The following GDAP1 variants were observed in gnomAD, a reference collection of about 807,000 sequenced individuals.
GDAP1 encodes ganglioside-induced differentiation-associated protein 1.
In GDAP1, 34 loss-of-function variants were observed where a neutral mutation model predicts 40.1. The observed-to-expected ratio is 0.85, with a 90% CI of 0.64 to 1.13. The LOEUF is 1.13. Ranked by LOEUF, GDAP1 falls within the 50% of genes most tolerant of loss-of-function variation. The pLI is 0.00. For missense variants in GDAP1, 374 were observed against 433.7 expected (o/e 0.86, Z 1.22); for synonymous variants, 170 against 157.4 (o/e 1.08, Z -0.60).
At chr8:74,357,540 A>C (rs997050234) in intron 2 of GDAP1, among the ~76,000 whole-genome samples, 4 of 152,130 alleles carry the variant, frequency 2.6e-5, no homozygotes, top group African/African-American at 9.7e-5. Flanking sequence ...TCTGCTGTTT[A>C]TCAAATCTTT....
intron 2 of GDAP1, among the ~76,000 whole-genome samples, chr8:74,471,357 G>A: frequency 6.6e-6 from 1 of 151,246 alleles, no homozygotes; most frequent in Non-Finnish European, 1.5e-5. Context: ...TTTTTTCCCT[G>A]ATTAGTTTTG....
chr8:74,393,291 A>G (rs1008833244), intron 2 of GDAP1, among the ~76,000 whole-genome samples: 4 of 152,158 alleles, frequency 2.6e-5, no homozygotes, highest in African/African-American at 9.7e-5. Context: ...AGAAAAAACT[A>G]TTTTTCAGTT....
chr8:74,396,611 T>C (rs563648297), intron 2 of GDAP1, among the ~76,000 whole-genome samples: 2 of 151,704 alleles, frequency 1.3e-5, no homozygotes, highest in African/African-American at 4.8e-5. Context: ...TGGTGTTTGG[T>C]TTTTTGTCCT....
intron 2 of GDAP1, among the ~76,000 whole-genome samples, chr8:74,415,857 G>C (rs1468116061): frequency 6.7e-6 from 1 of 149,634 alleles, no homozygotes; most frequent in African/African-American, 2.6e-5. Flanking sequence ...GGCCAAGGGG[G>C]ACTGTGAGAG....
intron 2 of GDAP1, among the ~76,000 whole-genome samples, chr8:74,401,596 G>C (rs1810341811): frequency 7.0e-6 from 1 of 143,788 alleles, no homozygotes; most frequent in Non-Finnish European, 1.5e-5. Flanking sequence ...TTGCTGGTGA[G>C]GAAATGCGTT....
intron 2 of GDAP1, among the ~76,000 whole-genome samples, chr8:74,429,676 G>A (rs901098882): frequency 3.3e-5 from 5 of 151,970 alleles, no homozygotes; most frequent in Non-Finnish European, 7.4e-5. Flanking sequence ...CACCCATAAG[G>A]CCTCGTTTAA....
At chr8:74,466,308 G>A (rs759667504) in intron 2 of GDAP1, among the ~76,000 whole-genome samples, 18 of 152,160 alleles carry the variant, frequency 1.2e-4, no homozygotes, top group Non-Finnish European at 2.4e-4. Flanking sequence ...AACACAGTTT[G>A]GGAACCATAG....
intron 2 of GDAP1, among the ~76,000 whole-genome samples, chr8:74,392,456 A>C (rs1032535660): frequency 1.3e-5 from 2 of 152,134 alleles, no homozygotes; most frequent in South Asian, 4.1e-4. Context: ...GTTAAGGCCT[A>C]TGCTGATCTC....
At chr8:74,441,607 T>G (rs963250274) in intron 2 of GDAP1, among the ~76,000 whole-genome samples, 1 of 152,202 alleles carries the variant, frequency 6.6e-6, no homozygotes, top group South Asian at 2.1e-4. Flanking sequence ...TAAGAGTTCT[T>G]ACTCTAAATG....
chr8:74,411,146 G>GT (rs1805703774), intron 2 of GDAP1, among the ~76,000 whole-genome samples: 1 of 150,006 alleles, frequency 6.7e-6, no homozygotes, highest in African/African-American at 2.5e-5. Flanking sequence ...TGCTATGTTT[G>GT]TAAGTTTCCT....
At chr8:74,422,493 CTCCTTCCTTCCT>C (rs67444628) in intron 2 of GDAP1, among the ~76,000 whole-genome samples, 141 of 104,822 alleles carry the variant, frequency 1.3e-3, no homozygotes, top group East Asian at 2.7e-3. Flanking sequence ...TCCCTCCTTT[CTCCTTCCTTCCT>C]TCCTTCCTTC....
chr8:74,424,401 TTC>T (rs1464600845), intron 2 of GDAP1, among the ~76,000 whole-genome samples: 1 of 152,122 alleles, frequency 6.6e-6, no homozygotes, highest in Non-Finnish European at 1.5e-5. Flanking sequence ...TCATGATCCA[TTC>T]TGTCTTCATT....
intron 2 of GDAP1, among the ~76,000 whole-genome samples, chr8:74,429,219 G>A: frequency 6.6e-6 from 1 of 151,906 alleles, no homozygotes; most frequent in East Asian, 1.9e-4. Context: ...TAATCCTTTG[G>A]GTATATACCC....
chr8:74,391,183 T>A (rs185581603), intron 2 of GDAP1, among the ~76,000 whole-genome samples: 11 of 149,812 alleles, frequency 7.3e-5, no homozygotes, highest in African/African-American at 2.5e-4. Flanking sequence ...TACAGGGTAG[T>A]GAACGGTTCG....
At chr8:74,425,002 T>G (rs1805929356) in intron 2 of GDAP1, among the ~76,000 whole-genome samples, 1 of 152,218 alleles carries the variant, frequency 6.6e-6, no homozygotes, top group South Asian at 2.1e-4. Flanking sequence ...TCTACTGACT[T>G]CTTGGATCCT....
intron 2 of GDAP1, among the ~76,000 whole-genome samples, chr8:74,420,478 C>A (rs1007288847): frequency 2.6e-5 from 4 of 151,998 alleles, no homozygotes; most frequent in African/African-American, 9.7e-5. Flanking sequence ...AGAATAAAGC[C>A]AAGTAAAATG....
In GDAP1 at chr8:74,366,092, T is replaced by G. The variant is rs1408765801; in HGVS notation, c.*1725T>G. 1 of 439,626 alleles carries G rather than the reference T, an allele frequency of 2.3e-6. No individual in the cohort carries two copies. The allele number at this position is 439,626 out of a possible 1,614,324, so 27.2% of individuals were successfully genotyped here. On this transcript the variant is annotated 3_prime_UTR_variant, in exon 6 of 6. Coordinates refer to ENST00000220822, the MANE Select transcript of GDAP1 (RefSeq NM_018972.4). ...ATGAAAAAGTTGTTAAGAATAAAAA[T>G]TAGAAGTCCATGGTTAACTTTTCCT...
chr8:74,374,246 T>C (rs898669049), intron 2 of GDAP1, among the ~76,000 whole-genome samples: 4 of 152,184 alleles, frequency 2.6e-5, no homozygotes, highest in Non-Finnish European at 5.9e-5. Context: ...TGCCAGCCTT[T>C]GGTATCAGGA....
intron 2 of GDAP1, among the ~76,000 whole-genome samples, chr8:74,418,329 A>C (rs1163425612): frequency 6.6e-6 from 1 of 152,216 alleles, no homozygotes; most frequent in Non-Finnish European, 1.5e-5. Flanking sequence ...GCATTGGTGA[A>C]GGGATAAGCA....
Sources: gnomAD v4.1 joint callset for allele counts (sites outside exome capture counted in the v4.1 genomes callset) on GRCh38, gnomAD v4.1.1 for gene constraint, MANE v1.5 for transcripts, NCBI Gene and HGNC (gene_info 2026-07-23, HGNC 2026-07-21) for gene names.